Variants in SFI1 observed in about 807,000 individuals in gnomAD.
SFI1 encodes SFI1 centrin binding protein, also known as protein SFI1 homolog.
Under a neutral mutation model 207.5 loss-of-function variants are expected in SFI1, and 195 were observed. The ratio of observed to expected loss-of-function variants is 0.94; its 90% CI spans 0.84 to 1.06. The LOEUF is 1.06. Ranked by LOEUF, SFI1 falls within the 50% of genes least tolerant of loss-of-function variation. The pLI, the probability that SFI1 is intolerant of heterozygous loss-of-function variation, is 0.00. For missense variants in SFI1, 1,634 were observed against 1,588.0 expected (o/e 1.03, Z -0.49); for synonymous variants, 630 against 598.9 (o/e 1.05, Z -0.76).
chr22:31,617,097 C>T lies in SFI1; in HGVS notation c.3512+19C>T, dbSNP rs376122839. 8 of 1,613,346 alleles carry T rather than the reference C, an allele frequency of 5.0e-6. No individual in the cohort carries two copies. The African/African-American group carries it at 9.3e-5, about 19-fold the overall frequency. On this transcript the variant is annotated intron_variant, in intron 31 of 32. Transcript: ENST00000400288. The stretch of plus-strand genomic sequence containing the variant: ...ACCTCTGGTGAGCCCTGCGAAACGC[C>T]CTGCAGCCCTGGCTACAGGAGCAGG...
At chr22:31,504,860 C>A (rs1019333350) in intron 1 of SFI1, among the ~76,000 whole-genome samples, 6 of 152,118 alleles carry the variant, frequency 3.9e-5, no homozygotes, top group African/African-American at 7.2e-5. Flanking sequence ...TTAAGAAAGA[C>A]ACAAATCGTG....
chr22:31,581,966 C>G (rs1267175951), intron 12 of SFI1, among the ~76,000 whole-genome samples: 3 of 151,484 alleles, frequency 2.0e-5, no homozygotes. Context: ...ATTATCATCC[C>G]TAAGAAAAGT....
At chr22:31,548,310 C>T (rs2060291782) in intron 5 of SFI1, among the ~76,000 whole-genome samples, 1 of 151,936 alleles carries the variant, frequency 6.6e-6, no homozygotes, top group Non-Finnish European at 1.5e-5. Flanking sequence ...TGGCTCACTC[C>T]TATAATCCCA....
Position 31,546,915 on chromosome 22 carries a change from G to T in SFI1, c.393G>T (p.Glu131Asp). The change falls in exon 5 of 33, where the codon GAG (glutamate) becomes GAT (aspartate). Residue 131 changes from glutamate (E) to aspartate (D), a missense_variant. By Grantham distance (45) the Glu-to-Asp change is conservative (BLOSUM62 2). Coordinates refer to ENST00000400288, the MANE Select transcript of SFI1 (RefSeq NM_001007467.3). The part of the protein sequence containing the change: ...LRKVFEEWKE[E>D]WWVFQHEWKL... ...AGGTCTTCGAAGAATGGAAAGAGGA[G>T]TGGTGGGTTTTCCAGCACGAGTGGA... The T allele has an allele frequency of 6.2e-7, 1 of 1,612,694 alleles. No individual in the cohort carries two copies. Among genetic ancestry groups the T allele is most frequent in the East Asian group, 2.2e-5 (1 of 44,844 alleles).
chr22:31,511,474 T>G (rs1354296064), intron 2 of SFI1, among the ~76,000 whole-genome samples: 7 of 146,768 alleles, frequency 4.8e-5, no homozygotes, highest in Non-Finnish European at 1.1e-4. Context: ...GTTTTTTTTT[T>G]TTTTTTTTTT....
At chr22:31,601,911 G>C (rs2068161246) in intron 15 of SFI1, among the ~76,000 whole-genome samples, 1 of 151,978 alleles carries the variant, frequency 6.6e-6, no homozygotes, top group South Asian at 2.1e-4. Flanking sequence ...CCCCACCTCA[G>C]CCTCCCAGGT....
At chr22:31,616,067 A>AG (rs2071380750) in intron 29 of SFI1, 2 of 151,876 alleles carry the variant, frequency 1.3e-5, no homozygotes, top group Non-Finnish European at 2.9e-5. Flanking sequence ...AGGAGAGTAC[A>AG]GGGGAAGGAG....
intron 24 of SFI1, chr22:31,612,076 A>G: frequency 8.0e-7 from 1 of 1,248,236 alleles, no homozygotes; most frequent in South Asian, 1.9e-5. Context: ...ACAGTGTTGT[A>G]TTAAAAAATA....
upstream of SFI1, chr22:31,496,398 A>C (rs1288093122): frequency 6.6e-6 from 1 of 152,260 alleles, no homozygotes; most frequent in Non-Finnish European, 1.5e-5. Context: ...CTGCAAAGCA[A>C]CCCGAAGTGC....
chr22:31,588,436 A>G (rs1194636198), intron 14 of SFI1, among the ~76,000 whole-genome samples: 1 of 152,224 alleles, frequency 6.6e-6, no homozygotes, highest in African/African-American at 2.4e-5. Flanking sequence ...AGCAGTCACT[A>G]TCCCAGCCAG....
intron 8 of SFI1, among the ~76,000 whole-genome samples, chr22:31,566,685 T>A (rs1295594371): frequency 1.3e-5 from 2 of 152,176 alleles, no homozygotes; most frequent in Admixed American, 1.3e-4. Context: ...AGGAGGATGA[T>A]CCAGTTATTA....
chr22:31,542,898 G>A (rs979398619), intron 4 of SFI1, among the ~76,000 whole-genome samples: 1 of 151,768 alleles, frequency 6.6e-6, no homozygotes, highest in African/African-American at 2.4e-5. Context: ...CTGAGCTCAA[G>A]GGATCTGCCC....
chr22:31,557,608 C>G (rs1432700296), intron 7 of SFI1, among the ~76,000 whole-genome samples: 1 of 152,122 alleles, frequency 6.6e-6, no homozygotes. Flanking sequence ...TTACTGTGTT[C>G]TAAACCCTGT....
intron 29 of SFI1, chr22:31,616,330 C>T (rs1198962510): frequency 6.0e-6 from 1 of 166,094 alleles, no homozygotes; most frequent in Non-Finnish European, 1.3e-5. Context: ...CAAGTCCACT[C>T]TCACCAGGAG....
chr22:31,580,206 T>A, intron 11 of SFI1, 66 bp from the exon 12 acceptor site: 2 of 1,301,642 alleles, frequency 1.5e-6, no homozygotes, highest in Non-Finnish European at 2.2e-6. Flanking sequence ...TGCCTTCCTC[T>A]ACTCTTAGTT....
intron 8 of SFI1, among the ~76,000 whole-genome samples, chr22:31,571,470 GCCT>G (rs982750498): frequency 6.6e-6 from 1 of 150,928 alleles, no homozygotes; most frequent in African/African-American, 2.4e-5. Context: ...ACACCACCAT[GCCT>G]GGCTAATTTT....
chr22:31,546,901 G>T lies in SFI1; in HGVS notation c.379G>T (p.Glu127Ter). The T allele has an allele frequency of 1.2e-6, 2 of 1,612,420 alleles. No homozygotes were observed. The highest frequency in any genetic ancestry group is 2.2e-5 in the South Asian group (2 of 90,600). Residue 127 changes from glutamate to a stop codon, truncating the protein, a stop_gained, in exon 5 of 33, where the codon GAA (glutamate) becomes TAA (stop). Coordinates refer to ENST00000400288, the MANE Select transcript of SFI1 (RefSeq NM_001007467.3). LOFTEE classifies it high-confidence loss of function. ...EQRLLRKVFE[E>*]WKEEWWVFQH... ...GCGATTACTACGGAAGGTCTTCGAA[G>T]AATGGAAAGAGGAGTGGTGGGTTTT...
intron 6 of SFI1, among the ~76,000 whole-genome samples, chr22:31,552,415 A>G (rs2060708120): frequency 6.6e-6 from 1 of 151,872 alleles, no homozygotes; most frequent in Non-Finnish European, 1.5e-5. Flanking sequence ...ACCATGCCCA[A>G]CTAATTTTTG....
intron 4 of SFI1, among the ~76,000 whole-genome samples, chr22:31,539,235 TCTC>T (rs1250278124): frequency 6.6e-6 from 1 of 152,122 alleles, no homozygotes; most frequent in Non-Finnish European, 1.5e-5. Context: ...CCCTCATTGG[TCTC>T]CTGCTTCCTG....
Sources: gnomAD v4.1 joint callset for allele counts (sites outside exome capture counted in the v4.1 genomes callset) on GRCh38, gnomAD v4.1.1 for gene constraint, MANE v1.5 for transcripts, NCBI Gene and HGNC (gene_info 2026-07-23, HGNC 2026-07-21) for gene names.